USP42: variants seen among roughly 807,000 people sequenced by gnomAD.
USP42 encodes ubiquitin specific peptidase 42.
Under a neutral mutation model 113.0 loss-of-function variants are expected in USP42, and 23 were observed. The observed-to-expected ratio is 0.20, with a 90% CI of 0.15 to 0.29. USP42 has a LOEUF of 0.29. Among genes scored for constraint, USP42 ranks in the 10% least tolerant of loss-of-function variants. The pLI is 1.00. For synonymous variants in USP42, 933 were observed against 699.0 expected (o/e 1.33, Z -5.28); for missense variants, 2,174 against 1,779.8 (o/e 1.22, Z -3.99).
At chr7:6,112,994 G>C (rs574731796) in intron 2 of USP42, among the ~76,000 whole-genome samples, 103 of 145,230 alleles carry the variant, frequency 7.1e-4, no homozygotes, top group Middle Eastern at 3.7e-3. Context: ...ATCTCTGCCT[G>C]CTGGGTTCAA....
chr7:6,156,849 A>T lies in USP42; in HGVS notation c.3737A>T (p.Lys1246Ile). The change falls in exon 16 of 18, where the codon AAA (lysine) becomes ATA (isoleucine). Residue 1246 changes from lysine to isoleucine, a missense_variant. Transcript: ENST00000306177. The stretch of plus-strand genomic sequence containing the variant: ...AAGAAAAAGAAGAGACATTCAAGAA[A>T]ATCAGAGGACTTTGTTAAAGATTCA... ...KKKKKKRHSR[K>I]SEDFVKDSEL... 6.2e-7 allele frequency: 1 copy of T among 1,610,334 alleles called. No homozygotes were observed. Among genetic ancestry groups the T allele is most frequent in the Non-Finnish European group, 8.5e-7 (1 of 1,179,038 alleles).
chr7:6,105,491 C>T (rs1451835642), intron 1 of USP42, among the ~76,000 whole-genome samples: 1 of 119,858 alleles, frequency 8.3e-6, no homozygotes, highest in Non-Finnish European at 1.8e-5. Flanking sequence ...CGCGTGGCTG[C>T]CACCTCCCGC....
In USP42 at chr7:6,157,216, C is replaced by T; in HGVS notation, c.3943+161C>T. The T allele has an allele frequency of 1.4e-6, 2 of 1,416,516 alleles. No individual in the cohort carries two copies. The highest frequency in any genetic ancestry group is 1.8e-6 in the Non-Finnish European group (2 of 1,090,450). The allele number at this position is 1,416,516 out of a possible 1,614,324, so 87.7% of individuals were successfully genotyped here. On this transcript the variant is annotated intron_variant, in intron 16 of 17. Transcript: ENST00000306177. This position sits in a 1 kb window ranked among gnomAD's most constrained non-coding sequence, Gnocchi z 4.1. ...CCTGGTCTGGCCTCAGTGCTCATCC[C>T]TGCAGTGTGGTTCCGTTGCACAGTT...
At chr7:6,141,582 G>A (rs1221032421) in intron 7 of USP42, among the ~76,000 whole-genome samples, 1 of 148,472 alleles carries the variant, frequency 6.7e-6, no homozygotes, top group African/African-American at 2.5e-5. Context: ...TTTTTGAGAT[G>A]GAGTCTTGCT....
Position 6,153,750 on chromosome 7 carries a change from C to A in USP42, c.2202-6C>A. 1 of 1,447,454 alleles carries A rather than the reference C, an allele frequency of 6.9e-7. No homozygotes were observed. The highest frequency in any genetic ancestry group is 1.5e-5 in the South Asian group (1 of 68,876). The allele number at this position is 1,447,454 out of a possible 1,614,324, so 89.7% of individuals were successfully genotyped here. ...ACGGGCGTGTTTGTTTGTTTGGGGG[C>A]TGCAGTGCACCTGGAGCAGAGAGGG... On this transcript the variant is annotated splice_region_variant and splice_polypyrimidine_tract_variant and intron_variant, in intron 14 of 17. Transcript: ENST00000306177.
chr7:6,087,707 A>G, the USP42 span, among the ~76,000 whole-genome samples: 1 of 151,044 alleles, frequency 6.6e-6, no homozygotes, highest in Non-Finnish European at 1.5e-5. Flanking sequence ...ATCTTCTCCA[A>G]CAACTATTTG....
chr7:6,126,838 A>G (rs138095943), intron 3 of USP42, among the ~76,000 whole-genome samples: 5 of 152,324 alleles, frequency 3.3e-5, no homozygotes, highest in African/African-American at 1.2e-4. Flanking sequence ...ACGTGAGTGT[A>G]TATAGCTCTT....
rs1334871898 is a variant in USP42 at position 6,115,262 on chromosome 7, T to C, written c.242-61T>C. On this transcript the variant is annotated intron_variant, in intron 2 of 17. Coordinates refer to ENST00000306177, the MANE Select transcript of USP42 (RefSeq NM_032172.3). ...AGATTGAGGTTTGACCAGGTGTTAC[T>C]ATTTATTTAGCTTCAGTATGCAAAG... The C allele has an allele frequency of 6.5e-6, 10 of 1,537,652 alleles. No homozygotes were observed. The East Asian group carries it at 1.8e-4, about 28-fold the overall frequency.
upstream of USP42, among the ~76,000 whole-genome samples, chr7:6,103,724 G>A (rs1373410037): frequency 5.3e-5 from 5 of 94,644 alleles, no homozygotes; most frequent in South Asian, 3.6e-4. Context: ...AACATAGCGA[G>A]ACCCCCGTCT....
chr7:6,157,478 AC>A lies in USP42; in HGVS notation c.3943+425del. On this transcript the variant is annotated intron_variant, in intron 16 of 17. Transcript: ENST00000306177. This position sits in a 1 kb window ranked among gnomAD's most constrained non-coding sequence, Gnocchi z 4.1. ...GTGGCGGCGATCTCAGCTCACTGCA[AC>A]CTCTGCCTCCCAGGTTCATGCTGTT... 1.3e-6 allele frequency: 1 copy of A among 747,876 alleles called. No individual in the cohort carries two copies. The highest frequency in any genetic ancestry group is 1.6e-6 in the Non-Finnish European group (1 of 613,474). 46.3% of individuals were successfully genotyped at this position (747,876 alleles called of 1,614,324 possible). A position where few individuals can be genotyped will look rare whatever the true frequency, so the allele number is the denominator to read the frequency against.
At chr7:6,128,564 A>G (rs948116387) in intron 3 of USP42, among the ~76,000 whole-genome samples, 6 of 152,100 alleles carry the variant, frequency 3.9e-5, no homozygotes, top group African/African-American at 1.2e-4. Context: ...GTGCTGTTCA[A>G]TCCATTTTGT....
At chr7:6,115,233 G>C (rs1294278851) in intron 2 of USP42, 90 bp from the exon 3 acceptor site, 2 of 1,312,084 alleles carry the variant, frequency 1.5e-6, no homozygotes, top group Admixed American at 3.6e-5. Context: ...TTCGGATCTT[G>C]TAAAGATTGA....
Position 6,154,269 on chromosome 7 carries a change from C to T in USP42, c.2715C>T (p.Asp905=). 6.2e-7 allele frequency: 1 copy of T among 1,600,640 alleles called. No individual in the cohort carries two copies. The highest frequency in any genetic ancestry group is 8.5e-7 in the Non-Finnish European group (1 of 1,174,832). The change falls in exon 15 of 18, where the codon GAC becomes GAT. Residue 905 remains aspartate (D), a synonymous_variant. Coordinates refer to ENST00000306177, the MANE Select transcript of USP42 (RefSeq NM_032172.3). ...AGCGGCCGCCAGCTCCTGTGCTGGA[C>T]ATGGCCCCGGCCGGTCACCCGGAAG... ...AAERPPAPVL[D]MAPAGHPEGD...
chr7:6,106,135 G>T (rs759751853), intron 1 of USP42, among the ~76,000 whole-genome samples: 8 of 152,210 alleles, frequency 5.3e-5, no homozygotes, highest in Non-Finnish European at 7.3e-5. Context: ...ATTAGGGTCA[G>T]TTTCACTTTC....
chr7:6,124,986 G>A (rs1208400374), intron 3 of USP42, among the ~76,000 whole-genome samples: 1 of 151,770 alleles, frequency 6.6e-6, no homozygotes, highest in Non-Finnish European at 1.5e-5. Flanking sequence ...TTCGAGACCA[G>A]CCTGGCCAAT....
chr7:6,144,098 G>A lies in USP42; in HGVS notation c.892G>A (p.Val298Ile), dbSNP rs1388826712. Residue 298 changes from valine to isoleucine, a missense_variant, in exon 9 of 18, where the codon GTT becomes ATT. By Grantham distance (29) the Val-to-Ile change is conservative. Coordinates refer to ENST00000306177, the MANE Select transcript of USP42 (RefSeq NM_032172.3). Reference protein sequence around the residue: ...SYKCSKCKKMVPASKRFTIHR... With the variant: ...SYKCSKCKKMIPASKRFTIHR... ...GTTTGTTTCAAGGTGTAAAAAGATG[G>A]TTCCAGCTTCAAAGAGGTTCACTAT... 1.3e-6 allele frequency: 2 copies of A among 1,567,122 alleles called. No individual in the cohort carries two copies. The highest frequency in any genetic ancestry group is 1.4e-5 in the African/African-American group (1 of 71,842).
intron 13 of USP42, 52 bp downstream of exon 13, chr7:6,150,354 G>A: frequency 6.2e-7 from 1 of 1,609,342 alleles, no homozygotes; most frequent in Non-Finnish European, 8.5e-7. Context: ...CCCTTGGCTG[G>A]ATTTCAGGAG....
In USP42 at chr7:6,150,064, G is replaced by A; in HGVS notation, c.1868G>A (p.Gly623Asp). ...TCTGACGAGGAGTCAAAGGGGCTGG[G>A]CAAGGAGAATGGGATTGGTACGATT... ...EDSDEESKGL[G>D]KENGIGTIVS... Residue 623 changes from glycine (G) to aspartate (D), a missense_variant, in exon 13 of 18, where the codon GGC becomes GAC. By Grantham distance (94) the Gly-to-Asp change is moderately conservative. Coordinates refer to ENST00000306177, the MANE Select transcript of USP42 (RefSeq NM_032172.3). 2 of 1,609,432 alleles carry A rather than the reference G, an allele frequency of 1.2e-6. No individual in the cohort carries two copies. The highest frequency in any genetic ancestry group is 1.7e-6 in the Non-Finnish European group (2 of 1,177,796).
At chr7:6,126,486 C>T (rs1243945888) in intron 3 of USP42, among the ~76,000 whole-genome samples, 2 of 152,134 alleles carry the variant, frequency 1.3e-5, no homozygotes, top group African/African-American at 4.8e-5. Context: ...CGGGTTTCAC[C>T]GTGTTAGCCA....
Sources: allele counts gnomAD v4.1 joint callset (sites outside exome capture counted in the v4.1 genomes callset), GRCh38; gene constraint gnomAD v4.1.1; non-coding constraint Gnocchi (gnomAD v3.1); transcripts MANE v1.5; gene names NCBI Gene and HGNC (gene_info 2026-07-23, HGNC 2026-07-21).